Variants in ARHGEF7 observed in about 807,000 individuals in gnomAD.
The protein encoded by ARHGEF7 is Rho guanine nucleotide exchange factor 7, also known as PAK-interacting exchange factor beta.
Under a neutral mutation model 109.8 loss-of-function variants are expected in ARHGEF7, and 33 were observed. The observed-to-expected ratio is 0.30, with a 90% CI of 0.23 to 0.40. The LOEUF is 0.40. ARHGEF7 is among the 10% of genes least tolerant of loss of function. The pLI is 1.00. For missense variants in ARHGEF7, 938 were observed against 1,098.5 expected (o/e 0.85, Z 2.07); for synonymous variants, 458 against 424.6 (o/e 1.08, Z -0.97).
intron 2 of ARHGEF7, among the ~76,000 whole-genome samples, chr13:111,161,731 CT>C (rs1187618937): frequency 6.8e-6 from 1 of 147,952 alleles, no homozygotes; most frequent in Admixed American, 6.7e-5. Flanking sequence ...ATTAGTATTT[CT>C]TTTTTGGTAA....
At chr13:111,176,170 T>G (rs1045147807) in intron 2 of ARHGEF7, among the ~76,000 whole-genome samples, 1 of 152,204 alleles carries the variant, frequency 6.6e-6, no homozygotes, top group Non-Finnish European at 1.5e-5. Flanking sequence ...CCTAGGACTC[T>G]GAGCCCCCTT....
intron 5 of ARHGEF7, among the ~76,000 whole-genome samples, chr13:111,223,712 C>T (rs371770838): frequency 6.6e-6 from 1 of 152,164 alleles, no homozygotes; most frequent in Non-Finnish European, 1.5e-5. Context: ...TCTGTAATAA[C>T]GATCTTTCTA....
chr13:111,263,955 C>T (rs1326809620), intron 8 of ARHGEF7, among the ~76,000 whole-genome samples: 2 of 152,178 alleles, frequency 1.3e-5, no homozygotes, highest in African/African-American at 4.8e-5. Context: ...GTTCCCAGTG[C>T]CTTGTAATGG....
rs1373471806 is a variant in ARHGEF7 at position 111,131,153 on chromosome 13, G to C, written c.165+15462G>C. 1.3e-5 allele frequency among the ~76,000 whole-genome samples: 2 copies of C among 152,222 alleles called. No homozygotes were observed. Among genetic ancestry groups the C allele is most frequent in the African/African-American group, 4.8e-5 (2 of 41,454 alleles). On this transcript the variant is annotated intron_variant, in intron 1 of 21. Transcript: ENST00000646102. This position sits in a 1 kb window ranked among gnomAD's most constrained non-coding sequence, Gnocchi z 4.4. ...ATGAGCCCAGGATGGAGGATGTGAA[G>C]ATGGTTATGAAACTCCCACGGTTGC... is the stretch of plus-strand genomic sequence containing the variant.
chr13:111,183,495 C>T (rs2078963135), intron 2 of ARHGEF7, among the ~76,000 whole-genome samples: 1 of 152,180 alleles, frequency 6.6e-6, no homozygotes, highest in African/African-American at 2.4e-5. Flanking sequence ...CCGGCATCAT[C>T]TGTGGCTTCG....
intron 1 of ARHGEF7, among the ~76,000 whole-genome samples, chr13:111,147,459 G>A (rs1232171905): frequency 1.3e-5 from 2 of 152,074 alleles, no homozygotes; most frequent in African/African-American, 4.8e-5. Context: ...TGTTTTTCAC[G>A]TGCTCACTGA....
At chr13:111,295,489 T>C (rs72653566) in intron 19 of ARHGEF7, among the ~76,000 whole-genome samples, 17,216 of 152,286 alleles carry the variant, frequency 0.11, 1,288 homozygotes, top group Middle Eastern at 0.2. Context: ...TGTGTGCGCA[T>C]AAATGGGAAA....
chr13:111,159,226 A>G (rs1390535744), intron 2 of ARHGEF7: 2 of 619,850 alleles, frequency 3.2e-6, no homozygotes, highest in African/African-American at 1.8e-5. Flanking sequence ...CCTTTTTTTA[A>G]AAGTCTGACT....
intron 4 of ARHGEF7, among the ~76,000 whole-genome samples, chr13:111,213,826 C>T (rs898613368): frequency 2.0e-5 from 3 of 152,136 alleles, no homozygotes; most frequent in African/African-American, 4.8e-5. Context: ...ACTCAGCTGC[C>T]GTGATTTTAG....
In ARHGEF7 at chr13:111,255,222, G is replaced by A. The variant is rs1003609910; in HGVS notation, c.950+10928G>A. Among the ~76,000 whole-genome samples the A allele has an allele frequency of 6.6e-6, 1 of 152,240 alleles. No homozygotes were observed. Among genetic ancestry groups the A allele is most frequent in the Admixed American group, 6.5e-5 (1 of 15,282 alleles). ...CTCAGAAGAGGATTCGGGCTAAGGC[G>A]CTGAGTTCCGTTTGGGGTTGCTGTG... On this transcript the variant is annotated intron_variant, in intron 8 of 21. Transcript: ENST00000646102. This position sits in a 1 kb window ranked among gnomAD's most constrained non-coding sequence, Gnocchi z 4.1.
intron 8 of ARHGEF7, among the ~76,000 whole-genome samples, chr13:111,256,625 C>T (rs1335816034): frequency 3.9e-5 from 6 of 152,230 alleles, no homozygotes; most frequent in African/African-American, 1.2e-4. Flanking sequence ...CTCCTCCTTC[C>T]TCCTCTTCCC....
At chr13:111,275,893 A>C (rs1283649365) in intron 12 of ARHGEF7, 1 of 570,102 alleles carries the variant, frequency 1.8e-6, no homozygotes, top group African/African-American at 1.9e-5. Context: ...AGTTTGATCC[A>C]GCTGAAGTCA....
intron 2 of ARHGEF7, among the ~76,000 whole-genome samples, chr13:111,180,015 A>G (rs2078581697): frequency 6.6e-6 from 1 of 152,080 alleles, no homozygotes; most frequent in Non-Finnish European, 1.5e-5. Context: ...TTTACCCCCA[A>G]ACGTTTCACT....
Position 111,263,922 on chromosome 13 carries a change from G to C in ARHGEF7, c.951-3626G>C, listed in dbSNP as rs562227732. ...TAGAACTCACTTTAAGGTAGAGACT[G>C]TTTCTTACCCTGTTTTTAATCTGTT... On this transcript the variant is annotated intron_variant, in intron 8 of 21. Transcript: ENST00000646102. Among the ~76,000 whole-genome samples, 10 of 152,354 alleles carry C rather than the reference G, an allele frequency of 6.6e-5. No homozygotes were observed. In the South Asian group the frequency reaches 1.2e-3, roughly 19 times the overall value.
intron 1 of ARHGEF7, among the ~76,000 whole-genome samples, chr13:111,123,776 G>A (rs918812088): frequency 3.9e-5 from 6 of 152,004 alleles, no homozygotes; most frequent in Non-Finnish European, 8.8e-5. Context: ...TATAAGGGAG[G>A]TGGTGACAGG....
At chr13:111,267,145 C>T (rs757138516) in intron 8 of ARHGEF7, among the ~76,000 whole-genome samples, 6 of 152,206 alleles carry the variant, frequency 3.9e-5, no homozygotes, top group South Asian at 2.1e-4. Context: ...AAGGGAAAGG[C>T]GGTTTTTGTA....
intron 5 of ARHGEF7, among the ~76,000 whole-genome samples, chr13:111,219,358 A>G (rs1345605202): frequency 6.6e-6 from 1 of 152,254 alleles, no homozygotes; most frequent in Non-Finnish European, 1.5e-5. Flanking sequence ...AGGCTGAATA[A>G]TATTTCATCA....
intron 19 of ARHGEF7, among the ~76,000 whole-genome samples, chr13:111,297,715 C>T (rs536368199): frequency 6.6e-6 from 1 of 152,212 alleles, no homozygotes; most frequent in Non-Finnish European, 1.5e-5. Flanking sequence ...GCAGTGGACA[C>T]GTGGCTCATG....
At chr13:111,285,528 G>C (rs1023355563) in intron 16 of ARHGEF7, among the ~76,000 whole-genome samples, 1 of 152,140 alleles carries the variant, frequency 6.6e-6, no homozygotes, top group Non-Finnish European at 1.5e-5. Context: ...GTTTGAAGAG[G>C]TAAGGGGTGG....
Sources: gnomAD v4.1 joint callset for allele counts (sites outside exome capture counted in the v4.1 genomes callset) on GRCh38, gnomAD v4.1.1 for gene constraint, Gnocchi (gnomAD v3.1) non-coding constraint, MANE v1.5 for transcripts, NCBI Gene and HGNC (gene_info 2026-07-23, HGNC 2026-07-21) for gene names.